Variants in POLR3B observed in about 807,000 individuals in gnomAD.
POLR3B encodes RNA polymerase III subunit B.
Under a neutral mutation model 147.4 loss-of-function variants are expected in POLR3B, and 96 were observed. That is an observed-to-expected ratio of 0.65 (90% CI 0.55 to 0.77). The LOEUF (loss-of-function observed/expected upper bound fraction) is 0.77. POLR3B is among the 30% of genes least tolerant of loss of function. The pLI, the probability that POLR3B is intolerant of heterozygous loss-of-function variation, is 0.00. For synonymous variants in POLR3B, 461 were observed against 485.9 expected (o/e 0.95, Z 0.67); for missense variants, 1,036 against 1,413.5 (o/e 0.73, Z 4.28).
At chr12:106,499,123 A>G (rs963632386) in intron 25 of POLR3B, among the ~76,000 whole-genome samples, 1 of 152,236 alleles carries the variant, frequency 6.6e-6, no homozygotes, top group African/African-American at 2.4e-5. Context: ...AGACTAATGG[A>G]CCATTTCAGA....
chr12:106,433,518 C>A (rs1365748682), intron 15 of POLR3B, among the ~76,000 whole-genome samples: 1 of 152,202 alleles, frequency 6.6e-6, no homozygotes, highest in African/African-American at 2.4e-5. Context: ...CAGTATTCCT[C>A]AGCCTGCATG....
At chr12:106,447,929 G>A (rs1323431003) in intron 19 of POLR3B, among the ~76,000 whole-genome samples, 2 of 151,932 alleles carry the variant, frequency 1.3e-5, no homozygotes, top group African/African-American at 2.4e-5. Context: ...TTTATGTTCC[G>A]CACTTTACAG....
Position 106,378,300 on chromosome 12 carries a change from T to C in POLR3B, c.530T>C (p.Val177Ala). The change falls in exon 8 of 28, where the codon GTT becomes GCT. Residue 177 changes from valine (V) to alanine (A), a missense_variant. Physicochemically the swap from Val to Ala is moderately conservative, Grantham distance 64. Around this residue, in one of 12 missense-constraint regions of POLR3B, gnomAD observed 217 missense variants for 288.7 expected, o/e 0.75. Transcript: ENST00000228347. ...GYFIVKGVEK[V>A]ILIQEQLSKN... ...TTCATTGTTAAAGGAGTAGAAAAAG[T>C]TATTCTTATCCAAGAGCAGCTGTCT... 6.2e-7 allele frequency: 1 copy of C among 1,613,716 alleles called. No individual in the cohort carries two copies. Among genetic ancestry groups the C allele is most frequent in the Non-Finnish European group, 8.5e-7 (1 of 1,179,618 alleles).
chr12:106,448,159 G>A (rs544602492), intron 19 of POLR3B, among the ~76,000 whole-genome samples: 1 of 152,084 alleles, frequency 6.6e-6, no homozygotes, highest in African/African-American at 2.4e-5. Context: ...TCTGCTATTG[G>A]TTAAAAGTTT....
At chr12:106,428,105 CA>C (rs1400180943) in intron 13 of POLR3B, among the ~76,000 whole-genome samples, 3 of 152,144 alleles carry the variant, frequency 2.0e-5, no homozygotes, top group Non-Finnish European at 4.4e-5. Context: ...CATACAGTGA[CA>C]GCTACATCTA....
Position 106,432,320 on chromosome 12 carries a change from A to G in POLR3B, c.1467A>G (p.Ala489=), listed in dbSNP as rs1398460530. Reference sequence around the variant, plus strand: ...AATGACCATCTTTTGTTTTTTAGGCATGTGGTTTGGTTAAAAACTTGGCCC... The same window carrying G: ...AATGACCATCTTTTGTTTTTTAGGCGTGTGGTTTGGTTAAAAACTTGGCCC... ...LCPSDTPEGE[A]CGLVKNLALM... The change falls in exon 15 of 28, where the codon GCA becomes GCG. Residue 489 remains alanine, a splice_region_variant and synonymous_variant. Coordinates refer to ENST00000228347, the MANE Select transcript of POLR3B (RefSeq NM_018082.6). 2 of 1,613,346 alleles carry G rather than the reference A, an allele frequency of 1.2e-6. No homozygotes were observed. Among genetic ancestry groups the G allele is most frequent in the Non-Finnish European group, 1.7e-6 (2 of 1,179,470 alleles).
At chr12:106,495,894 G>T in intron 23 of POLR3B, 161 bp from the exon 24 acceptor site, 1 of 732,260 alleles carries the variant, frequency 1.4e-6, no homozygotes, top group Non-Finnish European at 2.5e-6. Context: ...TGTTTGTCAA[G>T]CAGGATTGTT....
rs191685803 is a variant in POLR3B, at chr12:106,387,233, T to C, written c.724-5798T>C. 2.7e-3 allele frequency among the ~76,000 whole-genome samples: 418 copies of C among 152,380 alleles called. 5 individuals carry two copies. Among genetic ancestry groups the C allele is most frequent in the Non-Finnish European group, 1.6e-3 (110 of 68,038 alleles). ...ATTTTTTTCACTTAACAGTGCATTA[T>C]GAATAGCTTTCCCTGTTATGAATCT... On this transcript the variant is annotated intron_variant, in intron 9 of 27. Transcript: ENST00000228347.
At chr12:106,365,871 A>T (rs1235471365) in intron 2 of POLR3B, among the ~76,000 whole-genome samples, 2 of 146,390 alleles carry the variant, frequency 1.4e-5, no homozygotes, top group Admixed American at 7.1e-5. Flanking sequence ...AAAAAAAAAA[A>T]AATTTTTTTT....
chr12:106,424,064 G>A (rs2037405414), intron 12 of POLR3B, among the ~76,000 whole-genome samples: 3 of 151,768 alleles, frequency 2.0e-5, no homozygotes, highest in Non-Finnish European at 4.4e-5. Flanking sequence ...ACCATGTTGC[G>A]AGGCTGGTCT....
At chr12:106,430,540 T>C in intron 14 of POLR3B, 67 bp downstream of exon 14, 2 of 1,263,950 alleles carry the variant, frequency 1.6e-6, no homozygotes, top group Non-Finnish European at 2.3e-6. Flanking sequence ...TGGGGTGGGG[T>C]GGGGAGGTCT....
At chr12:106,399,784 C>T (rs11112976) in intron 10 of POLR3B, among the ~76,000 whole-genome samples, 38,337 of 151,950 alleles carry the variant, frequency 0.25, 5,509 homozygotes, top group African/African-American at 0.39. Flanking sequence ...TGCTGAGAGA[C>T]TTTGTCACCA....
intron 16 of POLR3B, among the ~76,000 whole-genome samples, chr12:106,435,344 T>C (rs377023015): frequency 4.6e-5 from 7 of 150,908 alleles, no homozygotes; most frequent in African/African-American, 1.7e-4. Context: ...GGGGTTTCAC[T>C]GTGTTGGCCA....
intron 12 of POLR3B, among the ~76,000 whole-genome samples, chr12:106,423,210 C>T (rs1344252463): frequency 6.6e-6 from 1 of 152,178 alleles, no homozygotes; most frequent in East Asian, 1.9e-4. Flanking sequence ...TTCCCCTCCC[C>T]TTATTCCCCA....
chr12:106,506,664 G>C (rs2038693008), intron 27 of POLR3B, among the ~76,000 whole-genome samples: 2 of 152,142 alleles, frequency 1.3e-5, no homozygotes, highest in African/African-American at 2.4e-5. Context: ...GAAATCCTTT[G>C]AAAGAGGACT....
intron 21 of POLR3B, 107 bp from the exon 22 acceptor site, chr12:106,459,144 C>T: frequency 1.3e-6 from 1 of 751,946 alleles, no homozygotes; most frequent in Non-Finnish European, 2.4e-6. Context: ...CTACCGCAGC[C>T]TCCTGAGTTG....
At chr12:106,422,982 A>G (rs1451046174) in intron 12 of POLR3B, among the ~76,000 whole-genome samples, 4 of 152,166 alleles carry the variant, frequency 2.6e-5, no homozygotes, top group Non-Finnish European at 4.4e-5. Flanking sequence ...ATGTTTTTCA[A>G]TAAAGATTTA....
chr12:106,435,713 G>A (rs1393016442), intron 16 of POLR3B, among the ~76,000 whole-genome samples: 1 of 152,122 alleles, frequency 6.6e-6, no homozygotes, highest in Non-Finnish European at 1.5e-5. Flanking sequence ...TCAGTAGGGT[G>A]CCAGGCACAC....
chr12:106,393,160 CTT>C lies in POLR3B; in HGVS notation c.846+10_846+11del. 6.2e-7 allele frequency: 1 copy of C among 1,614,090 alleles called. No individual in the cohort carries two copies. Among genetic ancestry groups the C allele is most frequent in the Non-Finnish European group, 8.5e-7 (1 of 1,179,990 alleles). Reference sequence around the variant, plus strand: ...GATTTTCACACAGATGCAGGTGTGTCTTTTCATGTTGTCCTTTGCTATGAAAT... The same window carrying C: ...GATTTTCACACAGATGCAGGTGTGTCTTCATGTTGTCCTTTGCTATGAAAT... On this transcript the variant is annotated splice_region_variant and intron_variant, in intron 10 of 27. Coordinates refer to ENST00000228347, the MANE Select transcript of POLR3B (RefSeq NM_018082.6).
Sources: gnomAD v4.1 joint callset for allele counts (sites outside exome capture counted in the v4.1 genomes callset) on GRCh38, gnomAD v4.1.1 for gene constraint, gnomAD v4.1.1 regional missense constraint, MANE v1.5 for transcripts, NCBI Gene and HGNC (gene_info 2026-07-23, HGNC 2026-07-21) for gene names.